Variants in MAMDC2 observed in about 807,000 individuals in gnomAD.
MAMDC2 encodes MAM domain containing 2.
Under a neutral mutation model 89.8 loss-of-function variants are expected in MAMDC2, and 57 were observed. The ratio of observed to expected loss-of-function variants is 0.63; its 90% confidence interval spans 0.51 to 0.79. The LOEUF (loss-of-function observed/expected upper bound fraction) is 0.79, where lower values mean the gene tolerates loss of function less well. Among genes scored for constraint, MAMDC2 ranks in the 30% least tolerant of loss-of-function variants. The probability of loss-of-function intolerance (pLI) is 0.00; values close to 1 mark genes in which losing one functional copy is unlikely to be tolerated. For synonymous variants in MAMDC2, 313 were observed against 293.4 expected, an observed-to-expected ratio of 1.07 and a Z score of -0.68; for missense variants, 800 against 820.6, an observed-to-expected ratio of 0.97 and a Z score of 0.31.
intron 5 of MAMDC2, among the ~76,000 whole-genome samples, chr9:70,114,681 A>T (rs1235205727): frequency 6.6e-6 from 1 of 152,184 alleles, no homozygotes; most frequent in African/African-American, 2.4e-5. Flanking sequence ...CCAGCATTAG[A>T]TATGATGGGG....
At chr9:70,164,725 T>G (rs550071606) in intron 9 of MAMDC2, among the ~76,000 whole-genome samples, 1 of 152,100 alleles carries the variant, frequency 6.6e-6, no homozygotes, top group African/African-American at 2.4e-5. Flanking sequence ...CATGGCTCAC[T>G]GCAGGCTCCA....
At chr9:70,152,237 T>C (rs558900430) in intron 9 of MAMDC2, among the ~76,000 whole-genome samples, 87 of 152,296 alleles carry the variant, frequency 5.7e-4, no homozygotes, top group African/African-American at 2.1e-3. Context: ...CTGTCTTCCC[T>C]GGGTAGTTTA....
intron 2 of MAMDC2, among the ~76,000 whole-genome samples, chr9:70,050,212 G>A (rs1056274057): frequency 5.1e-4 from 78 of 151,884 alleles, no homozygotes; most frequent in African/African-American, 1.5e-3. Context: ...GATCCCACCC[G>A]TCTGTGATCT....
intron 5 of MAMDC2, among the ~76,000 whole-genome samples, chr9:70,118,797 AAGTCTTCCCAGGAGAGTGCT>A (rs1249386858): frequency 2.6e-5 from 4 of 152,206 alleles, no homozygotes; most frequent in Non-Finnish European, 5.9e-5. Context: ...AGGTTGAGGG[AAGTCTTCCCAGGAGAGTGCT>A]AGTCTTTGTG....
intron 11 of MAMDC2, among the ~76,000 whole-genome samples, chr9:70,203,207 C>T (rs1169177920): frequency 1.3e-5 from 2 of 152,122 alleles, no homozygotes; most frequent in African/African-American, 4.8e-5. Context: ...TTGTTCCTTT[C>T]CATGTTTAGC....
intron 9 of MAMDC2, among the ~76,000 whole-genome samples, chr9:70,157,983 G>A (rs1241644907): frequency 6.6e-6 from 1 of 152,004 alleles, no homozygotes; most frequent in Non-Finnish European, 1.5e-5. Flanking sequence ...TTTAGACAGG[G>A]TCTTACTCTG....
chr9:70,069,117 C>T (rs183950726), intron 2 of MAMDC2, among the ~76,000 whole-genome samples: 7 of 152,284 alleles, frequency 4.6e-5, no homozygotes, highest in African/African-American at 1.7e-4. Flanking sequence ...TGAGGAAACC[C>T]GAGATTCAGC....
intron 9 of MAMDC2, among the ~76,000 whole-genome samples, chr9:70,157,354 T>C (rs894245054): frequency 6.6e-6 from 1 of 152,254 alleles, no homozygotes; most frequent in Non-Finnish European, 1.5e-5. Flanking sequence ...GCTCAACTCA[T>C]GCAATTAGAA....
In MAMDC2 at chr9:70,143,700, G is replaced by T; in HGVS notation, c.1285G>T (p.Ala429Ser). Reference protein sequence around the residue: ...YGFLKMSDTLAVYIFEENHVV... With the variant: ...YGFLKMSDTLSVYIFEENHVV... The stretch of plus-strand genomic sequence containing the variant: ...ATTTTTAAAAATGAGTGACACCCTA[G>T]CAGTTTACATCTTTGAAGAGAACCA... Residue 429 changes from alanine to serine, a missense_variant, in exon 9 of 14, where the codon GCA becomes TCA. Transcript: ENST00000377182. 1 of 1,614,168 alleles carries T rather than the reference G, an allele frequency of 6.2e-7. No individual in the cohort carries two copies. The highest frequency in any genetic ancestry group is 1.1e-5 in the South Asian group (1 of 91,084).
intron 9 of MAMDC2, among the ~76,000 whole-genome samples, chr9:70,163,537 C>T (rs184014785): frequency 5.2e-4 from 79 of 152,168 alleles, no homozygotes; most frequent in African/African-American, 1.7e-3. Flanking sequence ...CATATTTCAT[C>T]GCTTGTTAGA....
chr9:70,120,795 A>G (rs888020521), intron 5 of MAMDC2, among the ~76,000 whole-genome samples: 3 of 152,242 alleles, frequency 2.0e-5, no homozygotes, highest in African/African-American at 7.2e-5. Flanking sequence ...TAAAAAGACT[A>G]GAGTCTGACT....
chr9:70,162,399 C>A (rs2032002955), intron 9 of MAMDC2, among the ~76,000 whole-genome samples: 1 of 151,998 alleles, frequency 6.6e-6, no homozygotes, highest in Non-Finnish European at 1.5e-5. Context: ...AAAGCAATAA[C>A]CCTGATTATT....
Position 70,218,405 on chromosome 9 carries a change from C to T in MAMDC2, c.1720C>T (p.Leu574=). The change falls in exon 12 of 14, where the codon CTG becomes TTG. Residue 574 remains leucine, a synonymous_variant. Coordinates refer to ENST00000377182, the MANE Select transcript of MAMDC2 (RefSeq NM_153267.5). ...AAAAGCACGCCTCTTGTCCAGGCCT[C>T]TGCGAGGAGTCTCTGGAAAACACTG... ...GQKARLLSRP[L]RGVSGKHCLT... 6.2e-7 allele frequency: 1 copy of T among 1,614,188 alleles called. No individual in the cohort carries two copies. The highest frequency in any genetic ancestry group is 8.5e-7 in the Non-Finnish European group (1 of 1,180,018).
At position 70,210,306 on chromosome 9, in the gene MAMDC2, A is replaced by C. The variant is rs533137146; in HGVS notation, c.1652-8031A>C. Among the ~76,000 whole-genome samples the C allele has an allele frequency of 3.2e-4, 49 of 152,066 alleles. 1 individual carries two copies. Among genetic ancestry groups the C allele is most frequent in the Admixed American group, 1.2e-3 (19 of 15,262 alleles). ...TAGGTCTCTAAGGACTTGCTTTATGAATCTGGATGCTTCTGTATTGGGTGC... is the reference window on the plus strand; with the variant it reads ...TAGGTCTCTAAGGACTTGCTTTATGCATCTGGATGCTTCTGTATTGGGTGC... On this transcript the variant is annotated intron_variant, in intron 11 of 13. Transcript: ENST00000377182.
intron 6 of MAMDC2, among the ~76,000 whole-genome samples, chr9:70,128,351 G>C (rs2030652949): frequency 6.6e-6 from 1 of 152,148 alleles, no homozygotes; most frequent in Admixed American, 6.5e-5. Context: ...CCTGTGTTAA[G>C]TTTGTAATGT....
intron 9 of MAMDC2, among the ~76,000 whole-genome samples, chr9:70,146,704 G>A (rs1246900467): frequency 1.3e-5 from 2 of 152,082 alleles, no homozygotes; most frequent in South Asian, 2.1e-4. Flanking sequence ...AGACCGAGGC[G>A]AGTCGATCAC....
At chr9:70,100,522 T>C (rs925652379) in intron 2 of MAMDC2, among the ~76,000 whole-genome samples, 1 of 152,196 alleles carries the variant, frequency 6.6e-6, no homozygotes, top group Non-Finnish European at 1.5e-5. Context: ...GTCTTAGATA[T>C]GCAAGGCACT....
intron 2 of MAMDC2, among the ~76,000 whole-genome samples, chr9:70,073,659 T>C (rs1448977605): frequency 6.6e-6 from 1 of 152,212 alleles, no homozygotes; most frequent in Non-Finnish European, 1.5e-5. Context: ...TACAGGATCC[T>C]AGCAATTTTC....
At chr9:70,052,244 C>T (rs1032748704) in intron 2 of MAMDC2, among the ~76,000 whole-genome samples, 6 of 152,172 alleles carry the variant, frequency 3.9e-5, no homozygotes, top group South Asian at 4.1e-4. Context: ...TAGCAATTAC[C>T]CACAGGCTAA....
Sources: gnomAD v4.1 joint callset for allele counts (sites outside exome capture counted in the v4.1 genomes callset) on GRCh38, gnomAD v4.1.1 for gene constraint, MANE v1.5 for transcripts, NCBI Gene and HGNC (gene_info 2026-07-23, HGNC 2026-07-21) for gene names.